FAM227B: variants seen among roughly 807,000 people sequenced by gnomAD.
FAM227B encodes family with sequence similarity 227 member B.
Under a neutral mutation model 73.8 loss-of-function variants are expected in FAM227B, and 88 were observed. The observed-to-expected ratio is 1.19, with a 90% CI of 1.00 to 1.42. The LOEUF (loss-of-function observed/expected upper bound fraction) is 1.42. Ranked by LOEUF, FAM227B falls within the 40% of genes most tolerant of loss-of-function variation. The probability of loss-of-function intolerance (pLI) is 0.00; values close to 1 mark genes in which losing one functional copy is unlikely to be tolerated. For missense variants in FAM227B, 632 were observed against 590.9 expected (o/e 1.07, Z -0.72); for synonymous variants, 210 against 190.5 (o/e 1.10, Z -0.84).
intron 11 of FAM227B, among the ~76,000 whole-genome samples, chr15:49,371,774 C>T (rs2045828434): frequency 1.4e-5 from 2 of 144,606 alleles, no homozygotes; most frequent in African/African-American, 2.5e-5. Context: ...AAATAAAATT[C>T]ACTTATAAAT....
At chr15:49,503,790 G>A (rs138721540) in intron 11 of FAM227B, among the ~76,000 whole-genome samples, 2,605 of 152,276 alleles carry the variant, frequency 0.017, 36 homozygotes, top group Middle Eastern at 0.037. Context: ...GTGCTAGAGA[G>A]GATATGGAGA....
chr15:49,615,147 T>G lies in FAM227B; in HGVS notation c.25A>C (p.Arg9=). Residue 9 remains arginine (R), a synonymous_variant, in exon 2 of 16, where the codon AGG becomes CGG. Transcript: ENST00000299338. ...CCGGGGCCAGCTCTGCTGCTCCTCC[T>G]TTGACATGTTCGTTGGCCTGCCATG... MAGQRTCQ[R]RSSRAGPGKM... 6.2e-7 allele frequency: 1 copy of G among 1,614,126 alleles called. No homozygotes were observed. The highest frequency in any genetic ancestry group is 1.1e-5 in the South Asian group (1 of 91,082).
chr15:49,593,924 C>G (rs2076737577), intron 3 of FAM227B, among the ~76,000 whole-genome samples: 1 of 152,094 alleles, frequency 6.6e-6, no homozygotes, highest in East Asian at 1.9e-4. Context: ...ATAATGACTT[C>G]TTTTCCTCTG....
intron 13 of FAM227B, among the ~76,000 whole-genome samples, chr15:49,342,137 T>G (rs984911599): frequency 6.6e-6 from 1 of 152,190 alleles, no homozygotes; most frequent in African/African-American, 2.4e-5. Flanking sequence ...GGTGTTGAAG[T>G]TCCCCGTCCC....
intron 11 of FAM227B, among the ~76,000 whole-genome samples, chr15:49,447,789 G>T (rs1014192506): frequency 6.6e-6 from 1 of 151,556 alleles, no homozygotes; most frequent in Non-Finnish European, 1.5e-5. Flanking sequence ...TCAACTAACT[G>T]GTCACCAACA....
At chr15:49,398,691 A>T (rs1424740737) in intron 11 of FAM227B, among the ~76,000 whole-genome samples, 1 of 14,780 alleles carries the variant, frequency 6.8e-5, no homozygotes, top group Non-Finnish European at 1.3e-4. Flanking sequence ...AGGATTAAGA[A>T]TCTCACTCAA....
intron 3 of FAM227B, among the ~76,000 whole-genome samples, chr15:49,595,523 G>C (rs1235384485): frequency 6.6e-6 from 1 of 151,954 alleles, no homozygotes; most frequent in Non-Finnish European, 1.5e-5. Context: ...TCTTGTTCAA[G>C]TTCTCAGAAG....
At chr15:49,414,448 C>T (rs2049075895) in intron 11 of FAM227B, among the ~76,000 whole-genome samples, 1 of 151,916 alleles carries the variant, frequency 6.6e-6, no homozygotes, top group Non-Finnish European at 1.5e-5. Flanking sequence ...AGTGAGAGAG[C>T]CTAGTGTTTG....
intron 9 of FAM227B, among the ~76,000 whole-genome samples, chr15:49,551,854 C>T (rs1336816704): frequency 6.6e-6 from 1 of 151,870 alleles, no homozygotes; most frequent in Admixed American, 6.5e-5. Flanking sequence ...TTTCCATAAA[C>T]AAACTAATAA....
At chr15:49,505,304 T>C (rs1350791752) in intron 11 of FAM227B, among the ~76,000 whole-genome samples, 1 of 152,144 alleles carries the variant, frequency 6.6e-6, no homozygotes, top group Non-Finnish European at 1.5e-5. Context: ...GAGAGATAGA[T>C]GTTTTTTTAC....
intron 11 of FAM227B, among the ~76,000 whole-genome samples, chr15:49,385,802 A>G (rs1374010052): frequency 6.6e-6 from 1 of 151,964 alleles, no homozygotes; most frequent in Non-Finnish European, 1.5e-5. Flanking sequence ...AAAAGTGTGT[A>G]AAAAGGTATT....
intron 11 of FAM227B, among the ~76,000 whole-genome samples, chr15:49,439,409 C>A (rs1177679650): frequency 1.3e-5 from 2 of 151,466 alleles, no homozygotes; most frequent in African/African-American, 4.8e-5. Flanking sequence ...ACAGACTAAC[C>A]CTAGTAAAAT....
At chr15:49,497,660 T>A (rs2057745767) in intron 11 of FAM227B, among the ~76,000 whole-genome samples, 1 of 152,032 alleles carries the variant, frequency 6.6e-6, no homozygotes, top group Non-Finnish European at 1.5e-5. Context: ...TTAAGTAGAT[T>A]TCCTAGTAGT....
In FAM227B at chr15:49,454,851, C is replaced by T. The variant is rs532131288; in HGVS notation, c.1012+53360G>A. 2.5e-3 allele frequency among the ~76,000 whole-genome samples: 376 copies of T among 152,158 alleles called. 2 individuals carry two copies. The highest frequency in any genetic ancestry group is 4.2e-3 in the Non-Finnish European group (285 of 67,988). ...GTCTCGATCTCCTGACCTCGTGATC[C>T]GCTCGCCTCGGCCTCCCAAAGTGCT... On this transcript the variant is annotated intron_variant, in intron 11 of 15. Coordinates refer to ENST00000299338, the MANE Select transcript of FAM227B (RefSeq NM_152647.3).
At chr15:49,603,293 T>C (rs1306502709) in intron 3 of FAM227B, among the ~76,000 whole-genome samples, 1 of 152,166 alleles carries the variant, frequency 6.6e-6, no homozygotes, top group East Asian at 1.9e-4. Context: ...TATCTTTCCA[T>C]GTTTTGGTGA....
intron 13 of FAM227B, among the ~76,000 whole-genome samples, chr15:49,337,667 C>T (rs2039999505): frequency 6.6e-6 from 1 of 151,772 alleles, no homozygotes; most frequent in African/African-American, 2.4e-5. Flanking sequence ...TAATGCTATC[C>T]CTCCCACAGC....
Position 49,508,362 on chromosome 15 carries a change from A to G in FAM227B, c.875-14T>C. 6.4e-7 allele frequency: 1 copy of G among 1,554,264 alleles called. No homozygotes were observed. Among genetic ancestry groups the G allele is most frequent in the Non-Finnish European group, 8.6e-7 (1 of 1,158,116 alleles). On this transcript the variant is annotated splice_polypyrimidine_tract_variant and intron_variant, in intron 10 of 15. Transcript: ENST00000299338. ...GAGGTTTTAAACCTGTTAATATAAAATACATATTTAGCCAAATAAATTTGG... is the reference window on the plus strand; with the variant it reads ...GAGGTTTTAAACCTGTTAATATAAAGTACATATTTAGCCAAATAAATTTGG...
chr15:49,588,567 ATATATATAT>A (rs2076323914), intron 4 of FAM227B, among the ~76,000 whole-genome samples: 3 of 106,116 alleles, frequency 2.8e-5, no homozygotes, highest in Admixed American at 8.7e-5. Context: ...ATATATATAT[ATATATATAT>A]ATATATATAT....
intron 11 of FAM227B, among the ~76,000 whole-genome samples, chr15:49,472,308 C>T (rs922049077): frequency 3.3e-5 from 5 of 152,146 alleles, no homozygotes; most frequent in African/African-American, 9.7e-5. Context: ...TTTAGCTCAC[C>T]GTTCCATAAT....
Sources: allele counts gnomAD v4.1 joint callset (sites outside exome capture counted in the v4.1 genomes callset), GRCh38; gene constraint gnomAD v4.1.1; transcripts MANE v1.5; gene names NCBI Gene and HGNC (gene_info 2026-07-23, HGNC 2026-07-21).